PRKG1: variants seen among roughly 807,000 people sequenced by gnomAD.
PRKG1 encodes cGMP-dependent protein kinase 1.
PRKG1 carries 35 observed loss-of-function variants against 88.1 expected under a neutral mutation model. That is an observed-to-expected ratio of 0.40 (90% CI 0.30 to 0.53). PRKG1 has a LOEUF of 0.53. Ranked by LOEUF, PRKG1 falls within the 20% of genes least tolerant of loss-of-function variation. The probability of loss-of-function intolerance (pLI) is 0.59; values close to 1 mark genes in which losing one functional copy is unlikely to be tolerated. For missense variants in PRKG1, 540 were observed against 839.8 expected (o/e 0.64, Z 4.41); for synonymous variants, 303 against 292.5 (o/e 1.04, Z -0.37).
intron 3 of PRKG1, among the ~76,000 whole-genome samples, chr10:51,561,090 G>GAAGAAAAAGAAAAGAA (rs1160473537): frequency 6.6e-6 from 1 of 151,314 alleles, no homozygotes; most frequent in African/African-American, 2.4e-5. Flanking sequence ...CTAAAAAAAA[G>GAAGAAAAAGAAAAGAA]AAGAAAAAGA....
intron 9 of PRKG1, among the ~76,000 whole-genome samples, chr10:52,204,902 TC>T (rs902225654): frequency 6.6e-6 from 1 of 152,126 alleles, no homozygotes; most frequent in African/African-American, 2.4e-5. Context: ...GCCATATTTC[TC>T]TTATTACCGA....
At chr10:51,872,013 A>G (rs2132858726) in intron 4 of PRKG1, among the ~76,000 whole-genome samples, 1 of 152,334 alleles carries the variant, frequency 6.6e-6, no homozygotes, top group South Asian at 2.1e-4. Context: ...TTTTAAACAA[A>G]GAGCCCTGCA....
chr10:51,706,675 G>A (rs546691115), intron 3 of PRKG1, among the ~76,000 whole-genome samples: 17 of 152,282 alleles, frequency 1.1e-4, no homozygotes, highest in African/African-American at 3.4e-4. Flanking sequence ...AGAAAAGGCA[G>A]TAGAGTGAAG....
chr10:51,730,579 C>T (rs772467904), intron 3 of PRKG1, among the ~76,000 whole-genome samples: 18 of 152,078 alleles, frequency 1.2e-4, no homozygotes, highest in Non-Finnish European at 2.4e-4. Context: ...ATAAATTAAA[C>T]TAGTGGCTTT....
chr10:51,056,461 A>T (rs1843627374), intron 1 of PRKG1, among the ~76,000 whole-genome samples: 1 of 152,216 alleles, frequency 6.6e-6, no homozygotes, highest in Non-Finnish European at 1.5e-5. Flanking sequence ...AATTCATGCC[A>T]ATATTAAGGA....
intron 3 of PRKG1, among the ~76,000 whole-genome samples, chr10:51,766,428 A>T (rs890418085): frequency 9.9e-5 from 15 of 152,122 alleles, no homozygotes; most frequent in Non-Finnish European, 2.1e-4. Flanking sequence ...AAGTCTCCTG[A>T]GTAGCCTTTC....
chr10:51,695,034 C>T (rs773053321), intron 3 of PRKG1, among the ~76,000 whole-genome samples: 9 of 152,212 alleles, frequency 5.9e-5, no homozygotes, highest in Non-Finnish European at 1.3e-4. Context: ...AGCATATGTG[C>T]TCTTAATGGG....
chr10:51,140,120 T>C (rs1161582565), intron 1 of PRKG1, among the ~76,000 whole-genome samples: 1 of 152,246 alleles, frequency 6.6e-6, no homozygotes, highest in Non-Finnish European at 1.5e-5. Context: ...GGTGGCTCAC[T>C]GATCCTTGAG....
chr10:52,210,525 T>C (rs1322554501), intron 9 of PRKG1, among the ~76,000 whole-genome samples: 1 of 152,204 alleles, frequency 6.6e-6, no homozygotes, highest in East Asian at 1.9e-4. Flanking sequence ...GTAGGTTATT[T>C]GTTAATGCCT....
At chr10:51,430,288 G>A (rs901634515) in intron 2 of PRKG1, among the ~76,000 whole-genome samples, 25 of 152,004 alleles carry the variant, frequency 1.6e-4, no homozygotes, top group Non-Finnish European at 7.4e-5. Context: ...GTGTGGTGGC[G>A]TGTGCCTGTG....
intron 4 of PRKG1, among the ~76,000 whole-genome samples, chr10:51,878,137 CATAA>C (rs1163901658): frequency 2.0e-5 from 3 of 151,894 alleles, no homozygotes; most frequent in Non-Finnish European, 4.4e-5. Context: ...ACCAGAAATG[CATAA>C]ATAATGTTTA....
intron 8 of PRKG1, among the ~76,000 whole-genome samples, chr10:52,141,525 A>G (rs1837581324): frequency 6.6e-6 from 1 of 152,154 alleles, no homozygotes; most frequent in African/African-American, 2.4e-5. Flanking sequence ...AACCATCCAG[A>G]CATCTAGTAT....
chr10:51,617,016 G>T (rs1181739428), intron 3 of PRKG1, among the ~76,000 whole-genome samples: 1 of 152,150 alleles, frequency 6.6e-6, no homozygotes, highest in African/African-American at 2.4e-5. Context: ...TAGCAGCTTA[G>T]TTCTCAGGGA....
intron 9 of PRKG1, among the ~76,000 whole-genome samples, chr10:52,201,115 T>C (rs1306778690): frequency 6.6e-6 from 1 of 152,188 alleles, no homozygotes; most frequent in African/African-American, 2.4e-5. Context: ...GCCTTCGTTA[T>C]GAAATCTTTG....
At chr10:51,288,500 T>A (rs1394030094) in intron 2 of PRKG1, among the ~76,000 whole-genome samples, 1 of 152,180 alleles carries the variant, frequency 6.6e-6, no homozygotes, top group Non-Finnish European at 1.5e-5. Flanking sequence ...AGGGACTGAG[T>A]CTTTGGTAGC....
rs1554844539 is a variant in PRKG1 at position 51,817,356 on chromosome 10, C to CT, written c.698+12667dup. On this transcript the variant is annotated intron_variant, in intron 4 of 17. Transcript: ENST00000373980. ...GTGCTATCCCTCCCCAACCCCCCCC[C>CT]TCCCCTGACAGGCCCTGGTGTGTGA... is the stretch of plus-strand genomic sequence containing the variant. Among the ~76,000 whole-genome samples the CT allele has an allele frequency of 1.1e-4, 17 of 148,936 alleles. No individual in the cohort carries two copies. The East Asian group carries it at 2.0e-3, about 18-fold the overall frequency.
At chr10:51,672,109 G>A (rs1210903172) in intron 3 of PRKG1, among the ~76,000 whole-genome samples, 3 of 150,476 alleles carry the variant, frequency 2.0e-5, no homozygotes, top group African/African-American at 7.3e-5. Context: ...TCTTTATGTT[G>A]ATCTCATTTG....
chr10:51,603,925 G>A (rs1269786344), intron 3 of PRKG1, among the ~76,000 whole-genome samples: 2 of 152,156 alleles, frequency 1.3e-5, no homozygotes, highest in African/African-American at 4.8e-5. Flanking sequence ...AGGCTGTCAC[G>A]CTGGGATGGT....
intron 2 of PRKG1, among the ~76,000 whole-genome samples, chr10:51,445,466 A>AT (rs1352508611): frequency 6.6e-6 from 1 of 152,012 alleles, no homozygotes; most frequent in Non-Finnish European, 1.5e-5. Context: ...CAAGGAAACC[A>AT]TTTTTCCATA....
Sources: gnomAD v4.1 joint callset for allele counts (sites outside exome capture counted in the v4.1 genomes callset) on GRCh38, gnomAD v4.1.1 for gene constraint, MANE v1.5 for transcripts, NCBI Gene and HGNC (gene_info 2026-07-23, HGNC 2026-07-21) for gene names.